Variants in DTHD1 observed in about 807,000 individuals in gnomAD.
The protein encoded by DTHD1 is death domain-containing protein 1.
DTHD1 carries 59 observed loss-of-function variants against 74.8 expected under a neutral mutation model. That is an observed-to-expected ratio of 0.79 (90% CI 0.64 to 0.98). DTHD1 has a LOEUF of 0.98. Ranked by LOEUF, DTHD1 falls within the 50% of genes least tolerant of loss-of-function variation. DTHD1 has a pLI of 0.00. For missense variants in DTHD1, 1,051 were observed against 1,065.4 expected, an observed-to-expected ratio of 0.99 and a Z score of 0.19; for synonymous variants, 365 against 371.1, an observed-to-expected ratio of 0.98 and a Z score of 0.19.
In DTHD1 at chr4:36,321,890, C is replaced by A. The variant is rs555716837; in HGVS notation, c.2340+5404C>A. ...CTCCTCACTTATTCAACCACAGTGA[C>A]CCTCTTGAGTTTTTGGAATATGCCA... On this transcript the variant is annotated intron_variant, in intron 8 of 9. Transcript: ENST00000639862. 1.4e-4 allele frequency among the ~76,000 whole-genome samples: 21 copies of A among 152,308 alleles called. No homozygotes were observed. The South Asian group carries it at 3.5e-3, about 26-fold the overall frequency.
chr4:36,324,506 GT>G (rs2109540783), intron 8 of DTHD1, among the ~76,000 whole-genome samples: 1 of 152,260 alleles, frequency 6.6e-6, no homozygotes, highest in South Asian at 2.1e-4. Context: ...TAAGTAAAAA[GT>G]TATGCTCATT....
chr4:36,332,972 T>A (rs1758784878), intron 8 of DTHD1, among the ~76,000 whole-genome samples: 1 of 152,192 alleles, frequency 6.6e-6, no homozygotes, highest in African/African-American at 2.4e-5. Context: ...GCATAAAAGC[T>A]GAGGTGTTTC....
chr4:36,290,826 A>T, intron 3 of DTHD1, 123 bp downstream of exon 3: 4 of 809,428 alleles, frequency 4.9e-6, no homozygotes, highest in Non-Finnish European at 7.6e-6. Context: ...GGACTTTTGA[A>T]TTTGTGCCAG....
intron 5 of DTHD1, among the ~76,000 whole-genome samples, chr4:36,303,599 C>CA (rs35074785): frequency 0.42 from 63,934 of 151,956 alleles, 16,798 homozygotes; most frequent in African/African-American, 0.75. Flanking sequence ...AGTCTAAGTT[C>CA]GTAGAAAAGA....
chr4:36,295,633 G>A (rs186376412), intron 5 of DTHD1, among the ~76,000 whole-genome samples: 3 of 152,070 alleles, frequency 2.0e-5, no homozygotes, highest in East Asian at 3.9e-4. Context: ...GCATCATCCT[G>A]ATATTTCACA....
Position 36,314,747 on chromosome 4 carries a change from G to GTT in DTHD1, c.2096-1473_2096-1472dup, listed in dbSNP as rs747523259. On this transcript the variant is annotated intron_variant, in intron 7 of 9. Coordinates refer to ENST00000639862, the MANE Select transcript of DTHD1 (RefSeq NM_001170700.3). ...CTTGACATTTCTTTAAACAATCTGA[G>GTT]TTTTTTTTTTTTTTTTTTTTTTTGC... Among the ~76,000 whole-genome samples the GTT allele has an allele frequency of 3.9e-3, 382 of 97,914 alleles. 3 individuals are homozygous for GTT. Among genetic ancestry groups the GTT allele is most frequent in the Middle Eastern group, 6.2e-3 (1 of 162 alleles). 64.2% of individuals were successfully genotyped at this position (97,914 alleles called of 152,430 possible).
chr4:36,339,318 C>T lies in DTHD1; in HGVS notation c.2398+149C>T, dbSNP rs1285794610. On this transcript the variant is annotated intron_variant, in intron 9 of 9. Coordinates refer to ENST00000639862, the MANE Select transcript of DTHD1 (RefSeq NM_001170700.3). ...TTATTGGCCTAATAAATACTTATTTCCTGGGAGGTCATATACAAATAAACC... is the reference window on the plus strand; with the variant it reads ...TTATTGGCCTAATAAATACTTATTTTCTGGGAGGTCATATACAAATAAACC... 4 of 533,600 alleles carry T rather than the reference C, an allele frequency of 7.5e-6. No homozygotes were observed. The East Asian group carries it at 1.3e-4, about 17-fold the overall frequency. The allele number at this position is 533,600 out of a possible 1,614,324, so 33.1% of individuals were successfully genotyped here. A position where few individuals can be genotyped will look rare whatever the true frequency, so the allele number is the denominator to read the frequency against.
At chr4:36,339,786 A>G (rs985609268) in intron 9 of DTHD1, among the ~76,000 whole-genome samples, 27 of 152,232 alleles carry the variant, frequency 1.8e-4, no homozygotes, top group African/African-American at 6.0e-4. Context: ...CAGGTCCATT[A>G]TGAATGATAT....
chr4:36,317,715 C>T (rs903572077), intron 8 of DTHD1, among the ~76,000 whole-genome samples: 40 of 152,014 alleles, frequency 2.6e-4, no homozygotes, highest in African/African-American at 8.9e-4. Flanking sequence ...CACAAAATTA[C>T]GTTGTAAAAT....
At chr4:36,325,335 T>C (rs1758279721) in intron 8 of DTHD1, among the ~76,000 whole-genome samples, 1 of 152,190 alleles carries the variant, frequency 6.6e-6, no homozygotes. Flanking sequence ...GAAATAGGTA[T>C]CTGGTTTGTT....
intron 3 of DTHD1, among the ~76,000 whole-genome samples, chr4:36,292,743 T>TA (rs1463721585): frequency 6.6e-6 from 1 of 152,230 alleles, no homozygotes; most frequent in African/African-American, 2.4e-5. Flanking sequence ...TGAGCATGAT[T>TA]ATCCACGCAT....
chr4:36,324,982 C>A (rs1332986556), intron 8 of DTHD1, among the ~76,000 whole-genome samples: 1 of 152,094 alleles, frequency 6.6e-6, no homozygotes, highest in Admixed American at 6.6e-5. Context: ...GAGTTTCACA[C>A]AAGAGAGATG....
chr4:36,301,586 T>A (rs1056888333), intron 5 of DTHD1, among the ~76,000 whole-genome samples: 1 of 152,210 alleles, frequency 6.6e-6, no homozygotes, highest in Non-Finnish European at 1.5e-5. Flanking sequence ...GTTTGCCCCA[T>A]TAACAATCAA....
chr4:36,284,649 T>A, intron 2 of DTHD1, 58 bp downstream of exon 2: 1 of 1,281,256 alleles, frequency 7.8e-7, no homozygotes, highest in Non-Finnish European at 1.0e-6. Context: ...TGTGTTTCTA[T>A]AGTTAGTACA....
At chr4:36,287,104 G>A (rs912151114) in intron 2 of DTHD1, among the ~76,000 whole-genome samples, 4 of 152,120 alleles carry the variant, frequency 2.6e-5, no homozygotes, top group Non-Finnish European at 5.9e-5. Context: ...TGTACCCAAT[G>A]TGTAGTCTTT....
intron 2 of DTHD1, among the ~76,000 whole-genome samples, chr4:36,286,296 T>G (rs1203010232): frequency 2.6e-5 from 4 of 152,210 alleles, no homozygotes; most frequent in Non-Finnish European, 1.5e-5. Context: ...AATGAGTCAT[T>G]GCCTGAACTA....
intron 2 of DTHD1, among the ~76,000 whole-genome samples, 162 bp downstream of exon 2, chr4:36,284,753 G>A (rs1755606123): frequency 6.6e-6 from 1 of 152,174 alleles, no homozygotes; most frequent in African/African-American, 2.4e-5. Flanking sequence ...TGGAGGCTTG[G>A]AAATCCAAAA....
At chr4:36,334,063 G>A (rs540256260) in intron 8 of DTHD1, 94 of 152,254 alleles carry the variant, frequency 6.2e-4, no homozygotes, top group African/African-American at 2.1e-3. Context: ...CTGATGTGAC[G>A]TTAGAAATCT....
intron 8 of DTHD1, among the ~76,000 whole-genome samples, chr4:36,334,358 G>GTTTTTTTTTTTT (rs34455692): frequency 2.9e-5 from 4 of 138,906 alleles, no homozygotes; most frequent in Non-Finnish European, 3.1e-5. Flanking sequence ...ATTTTTTTTG[G>GTTTTTTTTTTTT]TTTTTTTTTT....
Sources: gnomAD v4.1 joint callset for allele counts (sites outside exome capture counted in the v4.1 genomes callset) on GRCh38, gnomAD v4.1.1 for gene constraint, MANE v1.5 for transcripts, NCBI Gene and HGNC (gene_info 2026-07-23, HGNC 2026-07-21) for gene names.